WNK2: variants seen among roughly 807,000 people sequenced by gnomAD.
The protein encoded by WNK2 is WNK lysine deficient protein kinase 2.
A neutral mutation model predicts 192.1 loss-of-function variants in WNK2; 67 were observed. The observed-to-expected ratio is 0.35, with a 90% confidence interval of 0.29 to 0.43. The LOEUF (loss-of-function observed/expected upper bound fraction) is 0.43, where lower values mean the gene tolerates loss of function less well. WNK2 is among the 20% of genes least tolerant of loss of function. WNK2 has a pLI of 1.00. For synonymous variants in WNK2, 1,439 were observed against 1,393.9 expected, an observed-to-expected ratio of 1.03 and a Z score of -0.72; for missense variants, 2,698 against 3,089.7, an observed-to-expected ratio of 0.87 and a Z score of 3.01.
intron 28 of WNK2, among the ~76,000 whole-genome samples, chr9:93,313,858 T>G (rs1365823507): frequency 6.6e-6 from 1 of 152,208 alleles, no homozygotes; most frequent in Non-Finnish European, 1.5e-5. Context: ...CTGGCCATGG[T>G]AGCTCACACC....
In WNK2 at chr9:93,297,965, C is replaced by A; in HGVS notation, c.5821C>A (p.Pro1941Thr). ...PPNVGFFHTA[P>T]PTGRRRKTSK... ...CAACGTGGGCTTCTTCCACACGGCA[C>A]CCCCCACTGGCCGCCGGAGAAAAAC... is the stretch of plus-strand genomic sequence containing the variant. The change falls in exon 24 of 30, where the codon CCC (proline) becomes ACC (threonine). Residue 1941 changes from proline to threonine, a missense_variant. Physicochemically the swap from Pro to Thr is conservative, Grantham distance 38. Around this residue, in one of 7 missense-constraint regions of WNK2, gnomAD observed 1,098 missense variants for 1,101.0 expected, o/e 1.00. Transcript: ENST00000427277. The A allele has an allele frequency of 6.3e-7, 1 of 1,575,348 alleles. No individual in the cohort carries two copies. The highest frequency in any genetic ancestry group is 1.8e-5 in the Admixed American group (1 of 54,384).
chr9:93,306,712 C>G, intron 26 of WNK2, 65 bp from the exon 27 acceptor site: 1 of 1,593,020 alleles, frequency 6.3e-7, no homozygotes, highest in Non-Finnish European at 8.6e-7. Flanking sequence ...AGTGTGGTAG[C>G]GTGTCCCAGT....
Position 93,259,638 on chromosome 9 carries a change from T to C in WNK2, c.3066+24T>C. On this transcript the variant is annotated intron_variant, in intron 12 of 29. Coordinates refer to ENST00000427277, the MANE Select transcript of WNK2 (RefSeq NM_006648.4). This position sits in a 1 kb window ranked among gnomAD's most constrained non-coding sequence, Gnocchi z 4.8. The stretch of plus-strand genomic sequence containing the variant: ...AGGTAATCACCTGCTGGGCAGGGGC[T>C]CACCCTCCCAGCGTCTGGGGACCCT... The C allele has an allele frequency of 1.3e-6, 2 of 1,530,890 alleles. No homozygotes were observed. The highest frequency in any genetic ancestry group is 1.7e-6 in the Non-Finnish European group (2 of 1,148,048). 94.8% of individuals were successfully genotyped at this position (1,530,890 alleles called of 1,614,324 possible).
Position 93,259,200 on chromosome 9 carries a change from C to T in WNK2, c.2652C>T (p.Ile884=). 6.2e-7 allele frequency: 1 copy of T among 1,613,048 alleles called. No homozygotes were observed. Among genetic ancestry groups the T allele is most frequent in the Non-Finnish European group, 8.5e-7 (1 of 1,179,758 alleles). The change falls in exon 12 of 30, where the codon ATC becomes ATT. Residue 884 remains isoleucine (I), a synonymous_variant. Coordinates refer to ENST00000427277, the MANE Select transcript of WNK2 (RefSeq NM_006648.4). The surrounding 1 kb of genome is among the most constrained non-coding windows in gnomAD (Gnocchi z 4.8). ...TTGTGCCAAATGCACCGGCCACTAT[C>T]CCCCTGCTGGCCGTAGCCCCACCGG... ...RTIVPNAPAT[I]PLLAVAPPGV...
Position 93,247,761 on chromosome 9 carries a change from A to G in WNK2, c.1761A>G (p.Pro587=). ...YHAQAGQPGP[P]EPEEPEADQH... ...CACAGGCTGGGCAGCCCGGGCCACC[A>G]GAGCCCGAGGAGCCGGAGGCCGACC... Residue 587 remains proline (P), a synonymous_variant, in exon 8 of 30, where the codon CCA becomes CCG. Coordinates refer to ENST00000427277, the MANE Select transcript of WNK2 (RefSeq NM_006648.4). The surrounding 1 kb of genome is among the most constrained non-coding windows in gnomAD (Gnocchi z 5.2). 1.3e-6 allele frequency: 2 copies of G among 1,552,580 alleles called. No homozygotes were observed. Among genetic ancestry groups the G allele is most frequent in the East Asian group, 2.4e-5 (1 of 41,164 alleles).
intron 2 of WNK2, among the ~76,000 whole-genome samples, chr9:93,188,156 C>T (rs541614328): frequency 1.3e-5 from 2 of 152,262 alleles, no homozygotes; most frequent in South Asian, 4.1e-4. Context: ...CTCTTGGCCT[C>T]TATCCCTTTC....
At chr9:93,307,923 A>C in intron 27 of WNK2, 1 of 214,904 alleles carries the variant, frequency 4.7e-6, no homozygotes, top group Non-Finnish European at 9.4e-6. Flanking sequence ...TGCACAGGCC[A>C]GAGAGAGCCC....
At chr9:93,294,839 C>G (rs1245964022) in intron 23 of WNK2, among the ~76,000 whole-genome samples, 1 of 151,982 alleles carries the variant, frequency 6.6e-6, no homozygotes, top group Admixed American at 6.5e-5. Flanking sequence ...AGCCTAAGAA[C>G]AGGAAGTGGA....
intron 26 of WNK2, among the ~76,000 whole-genome samples, chr9:93,303,806 T>C (rs2134162285): frequency 6.6e-6 from 1 of 152,316 alleles, no homozygotes; most frequent in East Asian, 1.9e-4. Context: ...TGCTTCCCAA[T>C]GCATGCTTTG....
intron 2 of WNK2, among the ~76,000 whole-genome samples, chr9:93,198,976 C>T (rs551848580): frequency 2.0e-5 from 3 of 152,190 alleles, no homozygotes; most frequent in African/African-American, 7.2e-5. Flanking sequence ...GTCATCCTCT[C>T]GCTGGCTCGG....
intron 2 of WNK2, among the ~76,000 whole-genome samples, chr9:93,212,587 G>T (rs975044441): frequency 1.3e-5 from 2 of 152,202 alleles, no homozygotes; most frequent in East Asian, 3.9e-4. Flanking sequence ...TCAGGCTGCC[G>T]AGGTTCAAGG....
intron 13 of WNK2, among the ~76,000 whole-genome samples, chr9:93,262,404 G>T (rs1844425005): frequency 6.6e-6 from 1 of 152,268 alleles, no homozygotes; most frequent in Non-Finnish European, 1.5e-5. Flanking sequence ...ATCAAAGTGG[G>T]TTAACATTTT....
At position 93,303,496 on chromosome 9, in the gene WNK2, C is replaced by G. The variant is rs1280790007; in HGVS notation, c.6215-3281C>G. Among the ~76,000 whole-genome samples the G allele has an allele frequency of 2.0e-5, 3 of 152,172 alleles. No individual in the cohort carries two copies. In the East Asian group the frequency reaches 5.8e-4, roughly 29 times the overall value. The stretch of plus-strand genomic sequence containing the variant: ...CTGCACGATGCCTTCTAGGCCTTCT[C>G]CCACCGTGGAATGCTTTCATCCCTC... On this transcript the variant is annotated intron_variant, in intron 26 of 29. Transcript: ENST00000427277.
At chr9:93,216,411 T>C (rs572370602) in intron 2 of WNK2, among the ~76,000 whole-genome samples, 2 of 152,136 alleles carry the variant, frequency 1.3e-5, no homozygotes, top group African/African-American at 4.8e-5. Context: ...TTTCGGAGGC[T>C]GAGGTGGGTG....
chr9:93,229,780 C>T lies in WNK2; in HGVS notation c.766C>T (p.Arg256Cys). ...AGGCCTGCAGCACCCCAACATCGTG[C>T]GCTTCTACGACTTCTGGGAGTCCAG... ...LKGLQHPNIV[R>C]FYDFWESSAK... Residue 256 changes from arginine to cysteine, a missense_variant, in exon 3 of 30, where the codon CGC becomes TGC. By Grantham distance (180) the Arg-to-Cys change is radical. Transcript: ENST00000427277. The surrounding 1 kb of genome is among the most constrained non-coding windows in gnomAD (Gnocchi z 4.9). 1 of 1,613,898 alleles carries T rather than the reference C, an allele frequency of 6.2e-7. No homozygotes were observed. Among genetic ancestry groups the T allele is most frequent in the Non-Finnish European group, 8.5e-7 (1 of 1,179,856 alleles).
intron 10 of WNK2, 81 bp downstream of exon 10, chr9:93,256,535 C>T (rs1843319082): frequency 7.2e-7 from 1 of 1,396,388 alleles, no homozygotes; most frequent in African/African-American, 1.5e-5. Context: ...GGTCTATGAG[C>T]ACCTCCCACA....
At chr9:93,244,710 G>A (rs1412847041) in intron 7 of WNK2, among the ~76,000 whole-genome samples, 1 of 152,206 alleles carries the variant, frequency 6.6e-6, no homozygotes, top group Non-Finnish European at 1.5e-5. Context: ...CTCACTAGGA[G>A]CAGAGGCCCG....
In WNK2 at chr9:93,268,772, G is replaced by A. The variant is rs1200083559; in HGVS notation, c.4033+26G>A. 6 of 1,601,596 alleles carry A rather than the reference G, an allele frequency of 3.7e-6. No homozygotes were observed. The African/African-American group carries it at 8.1e-5, about 22-fold the overall frequency. On this transcript the variant is annotated intron_variant, in intron 19 of 29. Coordinates refer to ENST00000427277, the MANE Select transcript of WNK2 (RefSeq NM_006648.4). The stretch of plus-strand genomic sequence containing the variant: ...GTATGAGCAGCAGGCGCCCACACAA[G>A]CCCCTCCCTGTTTCATGTACAGGCC...
rs373643754 is a variant in WNK2, at chr9:93,211,257, T to TCCACTCACTTATTCACTCACACATTCCC, written c.682-18439_682-18438insCCACTCACTTATTCACTCACACATTCCC. 6.9e-3 allele frequency among the ~76,000 whole-genome samples: 22 copies of TCCACTCACTTATTCACTCACACATTCCC among 3,194 alleles called. 4 individuals are homozygous for TCCACTCACTTATTCACTCACACATTCCC. The highest frequency in any genetic ancestry group is 0.024 in the South Asian group (2 of 84). 2.1% of individuals were successfully genotyped at this position (3,194 alleles called of 152,430 possible). A position where few individuals can be genotyped will look rare whatever the true frequency, so the allele number is the denominator to read the frequency against. ...ACTCACTCATTCACTCACTCACTCA[T>TCCACTCACTTATTCACTCACACATTCCC]TCACTCATTCACTCACTCATCCACT... On this transcript the variant is annotated intron_variant, in intron 2 of 29. Coordinates refer to ENST00000427277, the MANE Select transcript of WNK2 (RefSeq NM_006648.4).
Sources: allele counts gnomAD v4.1 joint callset (sites outside exome capture counted in the v4.1 genomes callset), GRCh38; gene constraint gnomAD v4.1.1; regional missense constraint gnomAD v4.1.1; non-coding constraint Gnocchi (gnomAD v3.1); transcripts MANE v1.5; gene names NCBI Gene and HGNC (gene_info 2026-07-23, HGNC 2026-07-21).